Variants in C14orf39 observed in about 807,000 individuals in gnomAD.
The protein encoded by C14orf39 is chromosome 14 open reading frame 39, also known as protein SIX6OS1.
In C14orf39, 66 loss-of-function variants were observed where a neutral mutation model predicts 85.6. The observed-to-expected ratio is 0.77, with a 90% confidence interval of 0.63 to 0.95. The LOEUF is 0.95. C14orf39 is among the 40% of genes least tolerant of loss of function. C14orf39 has a pLI of 0.00. For missense variants in C14orf39, 735 were observed against 663.9 expected, an observed-to-expected ratio of 1.11 and a Z score of -1.18; for synonymous variants, 242 against 214.0, an observed-to-expected ratio of 1.13 and a Z score of -1.14.
chr14:60,472,107 T>A (rs1474841419), intron 5 of C14orf39, among the ~76,000 whole-genome samples: 1 of 152,076 alleles, frequency 6.6e-6, no homozygotes, highest in African/African-American at 2.4e-5. Flanking sequence ...TTACTCCTTG[T>A]GGAACCTCTA....
In C14orf39 at chr14:60,491,797, A is replaced by G. The variant is rs1892992798; in HGVS notation, c.-8-6711T>C. ...CTGTGACAGAGCAATTCTTAAATGT[A>G]AATATTCTCTCTCTCTTTTTCTCTC... is the stretch of plus-strand genomic sequence containing the variant. On this transcript the variant is annotated intron_variant, in intron 2 of 5. Coordinates refer to the C14orf39 transcript ENST00000556799. The surrounding 1 kb of genome is among the most constrained non-coding windows in gnomAD (Gnocchi z 4.5). Among the ~76,000 whole-genome samples, 1 of 152,088 alleles carries G rather than the reference A, an allele frequency of 6.6e-6. No homozygotes were observed. The highest frequency in any genetic ancestry group is 6.6e-5 in the Admixed American group (1 of 15,260).
At chr14:60,446,979 GC>G (rs1890794448) in intron 16 of C14orf39, among the ~76,000 whole-genome samples, 1 of 152,086 alleles carries the variant, frequency 6.6e-6, no homozygotes, top group Non-Finnish European at 1.5e-5. Context: ...TGCAGAAAAG[GC>G]CTTTGACAAA....
intron 5 of C14orf39, 97 bp from the exon 6 acceptor site, chr14:60,471,836 CA>C: frequency 3.0e-6 from 2 of 672,908 alleles, no homozygotes; most frequent in Non-Finnish European, 4.8e-6. Context: ...AAAGGCAAAT[CA>C]AATGTCTTCT....
At chr14:60,479,152 T>C (rs1892527022) in intron 4 of C14orf39, among the ~76,000 whole-genome samples, 1 of 152,156 alleles carries the variant, frequency 6.6e-6, no homozygotes, top group African/African-American at 2.4e-5. Context: ...ATGACTATTA[T>C]TGTTTTAATA....
At chr14:60,509,517 C>A in intron 1 of C14orf39, 1 of 1,606,482 alleles carries the variant, frequency 6.2e-7, no homozygotes, top group African/African-American at 1.3e-5. Flanking sequence ...CTGCCCGTGG[C>A]CCCTGCGGCC....
In C14orf39 at chr14:60,449,247, T is replaced by C. The variant is rs146850382; in HGVS notation, c.1503+5754A>G. ...CCAATTATTTTCTTTTGCTTCTTCT[T>C]CCACCGTTTTCATGCTTAGAGAATC... On this transcript the variant is annotated intron_variant, in intron 16 of 17. Transcript: ENST00000321731. 5.6e-3 allele frequency among the ~76,000 whole-genome samples: 848 copies of C among 152,278 alleles called. 2 individuals are homozygous for C. The highest frequency in any genetic ancestry group is 0.018 in the African/African-American group (760 of 41,560).
Position 60,449,371 on chromosome 14 carries a change from C to T in C14orf39, c.1503+5630G>A, listed in dbSNP as rs117276550. The stretch of plus-strand genomic sequence containing the variant: ...TTAATGCATCTGTAACTTCTATTGA[C>T]GTACAGTGTAAGATGAATGCGTAAT... On this transcript the variant is annotated intron_variant, in intron 16 of 17. Coordinates refer to ENST00000321731, the MANE Select transcript of C14orf39 (RefSeq NM_174978.3). 3.8e-3 allele frequency among the ~76,000 whole-genome samples: 573 copies of T among 152,126 alleles called. 3 individuals are homozygous for T. The highest frequency in any genetic ancestry group is 6.1e-3 in the Non-Finnish European group (416 of 68,010).
chr14:60,484,812 A>G lies in C14orf39; in HGVS notation c.106+69T>C, dbSNP rs1382071263. On this transcript the variant is annotated intron_variant, in intron 3 of 17. Coordinates refer to ENST00000321731, the MANE Select transcript of C14orf39 (RefSeq NM_174978.3). The surrounding 1 kb of genome is among the most constrained non-coding windows in gnomAD (Gnocchi z 4.2). ...GCCAACAATAAGTTGCCCTAAACAG[A>G]GCAATTGTATGTTATATGCCATAAG... The G allele has an allele frequency of 8.9e-7, 1 of 1,125,504 alleles. No homozygotes were observed. Among genetic ancestry groups the G allele is most frequent in the Non-Finnish European group, 1.3e-6 (1 of 766,696 alleles). 69.7% of individuals were successfully genotyped at this position (1,125,504 alleles called of 1,614,324 possible).
intron 2 of C14orf39, chr14:60,495,989 G>A: frequency 2.0e-6 from 1 of 491,278 alleles, no homozygotes; most frequent in Non-Finnish European, 4.0e-6. Context: ...TTAGGACGAA[G>A]GGTATCAGTC....
rs1223349614 is a variant in C14orf39 at position 60,484,765 on chromosome 14, G to A, written c.106+116C>T. ...TAAATAGTTTATTTGTCGCTAGAGA[G>A]AACTGACACAAAAGTTATAACGCCA... On this transcript the variant is annotated intron_variant, in intron 3 of 17. Coordinates refer to ENST00000321731, the MANE Select transcript of C14orf39 (RefSeq NM_174978.3). This position sits in a 1 kb window ranked among gnomAD's most constrained non-coding sequence, Gnocchi z 4.2. 8.5e-6 allele frequency: 6 copies of A among 702,096 alleles called. No homozygotes were observed. In the East Asian group the frequency reaches 1.4e-4, roughly 16 times the overall value. 43.5% of individuals were successfully genotyped at this position (702,096 alleles called of 1,614,324 possible).
chr14:60,453,264 G>A (rs1030100990), intron 16 of C14orf39, among the ~76,000 whole-genome samples: 1 of 151,950 alleles, frequency 6.6e-6, no homozygotes, highest in Non-Finnish European at 1.5e-5. Context: ...ATTTGTGACT[G>A]TTATATCTTC....
At chr14:60,510,948 G>A in intron 1 of C14orf39, 1 of 895,926 alleles carries the variant, frequency 1.1e-6, no homozygotes, top group Non-Finnish European at 1.7e-6. Flanking sequence ...GCCTTGCCGA[G>A]TAATCCTCGC....
At chr14:60,495,367 C>A (rs1893054978) in intron 2 of C14orf39, 1 of 201,274 alleles carries the variant, frequency 5.0e-6, no homozygotes, top group South Asian at 9.9e-5. Flanking sequence ...TTGTGTGAGT[C>A]TACCCTTACA....
At chr14:60,503,587 T>C (rs113261185) in intron 1 of C14orf39, among the ~76,000 whole-genome samples, 4 of 152,238 alleles carry the variant, frequency 2.6e-5, no homozygotes, top group African/African-American at 7.2e-5. Context: ...GTGGTCCTCA[T>C]AGTTTATTCA....
At chr14:60,508,475 A>G (rs73307448) in intron 1 of C14orf39, among the ~76,000 whole-genome samples, 184 of 152,314 alleles carry the variant, frequency 1.2e-3, no homozygotes, top group African/African-American at 4.3e-3. Context: ...CATCTGCGTT[A>G]TCAGACGTGA....
intron 16 of C14orf39, among the ~76,000 whole-genome samples, chr14:60,449,133 T>G (rs1304447522): frequency 6.6e-6 from 1 of 152,146 alleles, no homozygotes; most frequent in African/African-American, 2.4e-5. Context: ...CATGTATACC[T>G]ATGTAACAAA....
chr14:60,461,293 TA>T, intron 13 of C14orf39, 60 bp downstream of exon 13: 1 of 1,424,568 alleles, frequency 7.0e-7, no homozygotes. Context: ...TTGACTAATG[TA>T]AAAACCTGAT....
At chr14:60,439,342 G>T (rs150885415) in intron 17 of C14orf39, among the ~76,000 whole-genome samples, 1 of 152,026 alleles carries the variant, frequency 6.6e-6, no homozygotes, top group Non-Finnish European at 1.5e-5. Flanking sequence ...GTGATCTATA[G>T]GTAAGCTGAA....
rs1891538249 is a variant in C14orf39 at position 60,461,613 on chromosome 14, C to T, written c.973-20G>A. 6.7e-7 allele frequency: 1 copy of T among 1,488,050 alleles called. No homozygotes were observed. The highest frequency in any genetic ancestry group is 9.0e-7 in the Non-Finnish European group (1 of 1,107,328). The allele number at this position is 1,488,050 out of a possible 1,614,324, so 92.2% of individuals were successfully genotyped here. A position where few individuals can be genotyped will look rare whatever the true frequency, so the allele number is the denominator to read the frequency against. The stretch of plus-strand genomic sequence containing the variant: ...AAATATCTGAAAGAAAGAAATTAAG[C>T]ATCTGACTTGGCTACACAAAGCAAT... On this transcript the variant is annotated intron_variant, in intron 11 of 17. Transcript: ENST00000321731.
Sources: allele counts gnomAD v4.1 joint callset (sites outside exome capture counted in the v4.1 genomes callset), GRCh38; gene constraint gnomAD v4.1.1; non-coding constraint Gnocchi (gnomAD v3.1); transcripts MANE v1.5; gene names NCBI Gene and HGNC (gene_info 2026-07-23, HGNC 2026-07-21).